Variants in PRKCQ observed in about 807,000 individuals in gnomAD.
The protein encoded by PRKCQ is protein kinase C theta type.
PRKCQ carries 41 observed loss-of-function variants against 91.2 expected under a neutral mutation model. The observed-to-expected ratio is 0.45, with a 90% CI of 0.35 to 0.58. The LOEUF is 0.58. PRKCQ is among the 20% of genes least tolerant of loss of function. The pLI is 0.00. For missense variants in PRKCQ, 673 were observed against 896.5 expected (o/e 0.75, Z 3.18); for synonymous variants, 307 against 316.9 (o/e 0.97, Z 0.33).
the PRKCQ span, among the ~76,000 whole-genome samples, chr10:6,418,628 T>A: frequency 6.6e-6 from 1 of 152,098 alleles, no homozygotes; most frequent in African/African-American, 2.4e-5. Flanking sequence ...TACAGGACCA[T>A]AGAGTCAGAG....
chr10:6,567,111 G>A (rs1307395862), intron 1 of PRKCQ, among the ~76,000 whole-genome samples: 1 of 152,140 alleles, frequency 6.6e-6, no homozygotes, highest in Non-Finnish European at 1.5e-5. Context: ...GACAATAATT[G>A]CATTAAAATG....
chr10:6,537,318 G>A (rs1839621482), intron 1 of PRKCQ, among the ~76,000 whole-genome samples: 1 of 152,114 alleles, frequency 6.6e-6, no homozygotes, highest in Non-Finnish European at 1.5e-5. Context: ...AACAAAATCC[G>A]ATGTTTTTTC....
chr10:6,483,005 A>C (rs113460809), intron 11 of PRKCQ, among the ~76,000 whole-genome samples: 165 of 152,322 alleles, frequency 1.1e-3, no homozygotes, highest in African/African-American at 3.7e-3. Context: ...TCACACCCCA[A>C]GGAAACTTAT....
At chr10:6,413,919 G>T in the PRKCQ span, among the ~76,000 whole-genome samples, 1 of 152,196 alleles carries the variant, frequency 6.6e-6, no homozygotes, top group African/African-American at 2.4e-5. Context: ...AACAGGAACT[G>T]GATTTGCCTT....
chr10:6,511,281 T>G (rs1339418100), intron 2 of PRKCQ, 87 bp from the exon 3 acceptor site: 1 of 1,229,534 alleles, frequency 8.1e-7, no homozygotes, highest in Non-Finnish European at 1.2e-6. Context: ...ACCTGCTCCC[T>G]CTGTTCTCTG....
chr10:6,542,671 C>T (rs1184440738), intron 1 of PRKCQ, among the ~76,000 whole-genome samples: 4 of 152,120 alleles, frequency 2.6e-5, no homozygotes, highest in Non-Finnish European at 5.9e-5. Flanking sequence ...TCCATGTCTC[C>T]GTGTTAGATT....
chr10:6,482,907 A>G (rs1262542253), intron 11 of PRKCQ, among the ~76,000 whole-genome samples: 1 of 152,220 alleles, frequency 6.6e-6, no homozygotes, highest in African/African-American at 2.4e-5. Context: ...CCATGATTCA[A>G]TCACCTTCCA....
At chr10:6,410,658 C>A in the PRKCQ span, among the ~76,000 whole-genome samples, 1 of 152,172 alleles carries the variant, frequency 6.6e-6, no homozygotes, top group Non-Finnish European at 1.5e-5. Context: ...AAATGTCTTA[C>A]AATGAGTTGA....
chr10:6,560,065 C>G (rs932439438), intron 1 of PRKCQ, among the ~76,000 whole-genome samples: 1 of 152,182 alleles, frequency 6.6e-6, no homozygotes, highest in Admixed American at 6.5e-5. Flanking sequence ...TTTAAACGCC[C>G]AGAAAAAGCC....
intron 16 of PRKCQ, among the ~76,000 whole-genome samples, chr10:6,437,055 C>T (rs926945478): frequency 5.3e-5 from 8 of 152,164 alleles, no homozygotes; most frequent in African/African-American, 1.9e-4. Flanking sequence ...TGGAGACAGC[C>T]CCTGAGTCTG....
At chr10:6,424,654 C>A (rs1473836687), downstream of PRKCQ, among the ~76,000 whole-genome samples, 2 of 152,116 alleles carry the variant, frequency 1.3e-5, no homozygotes, top group Non-Finnish European at 2.9e-5. Context: ...GAGCTCAGAC[C>A]CCTGCCTGCA....
At chr10:6,553,964 G>A (rs1485619428) in intron 1 of PRKCQ, among the ~76,000 whole-genome samples, 5 of 57,280 alleles carry the variant, frequency 8.7e-5, no homozygotes, top group South Asian at 9.0e-4. Context: ...AAAAAGTGCA[G>A]TGGAAACAGT....
intron 8 of PRKCQ, chr10:6,489,590 A>G (rs4750528): frequency 0.15 from 65,006 of 428,060 alleles, 5,664 homozygotes; most frequent in Middle Eastern, 0.2. Context: ...AGAGGGCGAG[A>G]AGAGTCGAGA....
chr10:6,548,326 G>A (rs76449759), intron 1 of PRKCQ, among the ~76,000 whole-genome samples: 4,056 of 152,024 alleles, frequency 0.027, 74 homozygotes, highest in Middle Eastern at 0.071. Flanking sequence ...TCAGTGTGGC[G>A]ATTTCTCAGG....
the PRKCQ span, among the ~76,000 whole-genome samples, chr10:6,419,979 G>C: frequency 1.3e-5 from 2 of 151,386 alleles, no homozygotes; most frequent in Non-Finnish European, 2.9e-5. Flanking sequence ...GTGAGGCAAC[G>C]TGCCCAGCCG....
At chr10:6,568,512 T>G (rs1237751508) in intron 1 of PRKCQ, among the ~76,000 whole-genome samples, 1 of 151,688 alleles carries the variant, frequency 6.6e-6, no homozygotes, top group Non-Finnish European at 1.5e-5. Flanking sequence ...TTTTTTTTTT[T>G]TTTGAGATGG....
intron 17 of PRKCQ, among the ~76,000 whole-genome samples, chr10:6,429,579 A>G (rs584413): frequency 0.99 from 150,529 of 152,266 alleles, 74,422 homozygotes; most frequent in South Asian, 1. Context: ...CCCCTTCAGC[A>G]CGGATATGGC....
chr10:6,473,179 G>C (rs1459092790), intron 12 of PRKCQ, among the ~76,000 whole-genome samples: 1 of 152,170 alleles, frequency 6.6e-6, no homozygotes, highest in Non-Finnish European at 1.5e-5. Context: ...CCAAGTTCCT[G>C]GAACTATGCA....
chr10:6,417,737 G>A, the PRKCQ span, among the ~76,000 whole-genome samples: 1 of 152,200 alleles, frequency 6.6e-6, no homozygotes, highest in Non-Finnish European at 1.5e-5. Flanking sequence ...AGCCAGGTGA[G>A]CAGCCAGGAC....
Sources: gnomAD v4.1 joint callset for allele counts (sites outside exome capture counted in the v4.1 genomes callset) on GRCh38, gnomAD v4.1.1 for gene constraint, MANE v1.5 for transcripts, NCBI Gene and HGNC (gene_info 2026-07-23, HGNC 2026-07-21) for gene names.